Variants in AKT3 observed in about 807,000 individuals in gnomAD.
AKT3 encodes the protein AKT serine/threonine kinase 3.
A neutral mutation model predicts 65.3 loss-of-function variants in AKT3; 15 were observed. That is an observed-to-expected ratio of 0.23 (90% CI 0.15 to 0.35). The LOEUF (loss-of-function observed/expected upper bound fraction) is 0.35. Ranked by LOEUF, AKT3 falls within the 10% of genes least tolerant of loss-of-function variation. The probability of loss-of-function intolerance (pLI) is 1.00; values close to 1 mark genes in which losing one functional copy is unlikely to be tolerated. For missense variants in AKT3, 243 were observed against 576.5 expected, an observed-to-expected ratio of 0.42 and a Z score of 5.92; for synonymous variants, 206 against 183.8, an observed-to-expected ratio of 1.12 and a Z score of -0.98.
chr1:243,714,261 G>A (rs912658970), intron 2 of AKT3, among the ~76,000 whole-genome samples: 1 of 152,148 alleles, frequency 6.6e-6, no homozygotes, highest in Non-Finnish European at 1.5e-5. Flanking sequence ...TAATTAGCAA[G>A]AGAACTGCCT....
chr1:243,752,725 T>C (rs1167960711), intron 2 of AKT3, among the ~76,000 whole-genome samples: 1 of 152,220 alleles, frequency 6.6e-6, no homozygotes, highest in African/African-American at 2.4e-5. Flanking sequence ...GAACTCTGAA[T>C]GCTTTGCTCC....
intron 5 of AKT3, among the ~76,000 whole-genome samples, chr1:243,642,348 C>G (rs191493946): frequency 6.6e-6 from 1 of 152,192 alleles, no homozygotes; most frequent in Non-Finnish European, 1.5e-5. Context: ...CTCGCTCTGT[C>G]GCCCAGGCTA....
At chr1:243,731,280 C>T (rs748774395) in intron 2 of AKT3, among the ~76,000 whole-genome samples, 10 of 152,248 alleles carry the variant, frequency 6.6e-5, no homozygotes, top group Non-Finnish European at 1.0e-4. Context: ...ACCATCCATA[C>T]GTTTAAGATA....
intron 13 of AKT3, among the ~76,000 whole-genome samples, chr1:243,511,728 G>T (rs1377646085): frequency 6.6e-6 from 1 of 152,092 alleles, no homozygotes; most frequent in Non-Finnish European, 1.5e-5. Context: ...CTTATTTATG[G>T]TATTTCTCCA....
chr1:243,714,078 A>T (rs754864288), intron 2 of AKT3, among the ~76,000 whole-genome samples: 1 of 152,204 alleles, frequency 6.6e-6, no homozygotes, highest in Non-Finnish European at 1.5e-5. Flanking sequence ...GGATGAGAGA[A>T]GCTAATTTGA....
intron 6 of AKT3, among the ~76,000 whole-genome samples, chr1:243,631,300 A>G (rs1679589101): frequency 1.3e-5 from 2 of 152,124 alleles, no homozygotes; most frequent in Non-Finnish European, 2.9e-5. Context: ...CAAAGGTGAG[A>G]GTGGGTGTGG....
intron 12 of AKT3, among the ~76,000 whole-genome samples, chr1:243,523,286 C>CACACACACACACACAA (rs1558585985): frequency 6.6e-6 from 1 of 151,238 alleles, no homozygotes; most frequent in African/African-American, 2.4e-5. Flanking sequence ...CACACACACA[C>CACACACACACACACAA]ACACACACAC....
At chr1:243,643,452 G>A (rs1680588125) in intron 5 of AKT3, among the ~76,000 whole-genome samples, 1 of 152,198 alleles carries the variant, frequency 6.6e-6, no homozygotes, top group South Asian at 2.1e-4. Context: ...AAGAATGGTA[G>A]CTTGGCTGAC....
intron 2 of AKT3, among the ~76,000 whole-genome samples, chr1:243,815,873 TC>T (rs879658132): frequency 3.3e-5 from 5 of 152,024 alleles, no homozygotes; most frequent in Non-Finnish European, 7.4e-5. Flanking sequence ...CACCTCAGCC[TC>T]CCAAAGTGCT....
chr1:243,686,643 A>ATATATATATATATATATATATATATT, intron 3 of AKT3, among the ~76,000 whole-genome samples: 1 of 20,360 alleles, frequency 4.9e-5, no homozygotes, highest in African/African-American at 1.4e-4. Flanking sequence ...ATATATATAT[A>ATATATATATATATATATATATATATT]TATATATATT....
At chr1:243,706,525 G>A (rs569496823) in intron 2 of AKT3, among the ~76,000 whole-genome samples, 1 of 152,224 alleles carries the variant, frequency 6.6e-6, no homozygotes, top group African/African-American at 2.4e-5. Flanking sequence ...CTCTTACCAA[G>A]GAGTTTTTCC....
At chr1:243,671,123 G>T (rs1683130101) in intron 3 of AKT3, among the ~76,000 whole-genome samples, 1 of 147,730 alleles carries the variant, frequency 6.8e-6, no homozygotes. Flanking sequence ...CTGTTGCCCA[G>T]GCTGGAGTGC....
At chr1:243,578,145 G>A (rs911379042) in intron 8 of AKT3, among the ~76,000 whole-genome samples, 12 of 152,114 alleles carry the variant, frequency 7.9e-5, no homozygotes, top group Admixed American at 1.3e-4. Flanking sequence ...GTAAGACACA[G>A]AACCAGAAAT....
intron 10 of AKT3, among the ~76,000 whole-genome samples, chr1:243,556,078 G>C (rs1673389498): frequency 6.6e-6 from 1 of 152,056 alleles, no homozygotes. Context: ...AACTTAAACA[G>C]AGCACAAAGT....
intron 2 of AKT3, among the ~76,000 whole-genome samples, chr1:243,811,939 T>C (rs1309487677): frequency 6.6e-6 from 1 of 152,124 alleles, no homozygotes. Context: ...CCCTATTTAA[T>C]AAATGGTGCT....
chr1:243,652,118 G>C (rs147693714), intron 4 of AKT3, among the ~76,000 whole-genome samples: 1,594 of 150,112 alleles, frequency 0.011, 19 homozygotes, highest in African/African-American at 0.037. Flanking sequence ...GTGCAATCTT[G>C]GCTCACTGCA....
chr1:243,776,596 A>G (rs988925962), intron 2 of AKT3, among the ~76,000 whole-genome samples: 1 of 152,220 alleles, frequency 6.6e-6, no homozygotes, highest in African/African-American at 2.4e-5. Flanking sequence ...GAAAACACCT[A>G]GACTATGAAA....
chr1:243,576,883 AT>A (rs1349219719), intron 8 of AKT3, among the ~76,000 whole-genome samples: 1 of 152,186 alleles, frequency 6.6e-6, no homozygotes, highest in Non-Finnish European at 1.5e-5. Flanking sequence ...CTATTTTAAA[AT>A]TCACATGGGA....
intron 8 of AKT3, among the ~76,000 whole-genome samples, chr1:243,575,471 G>A (rs1043570112): frequency 5.3e-5 from 8 of 152,012 alleles, no homozygotes; most frequent in Admixed American, 4.6e-4. Flanking sequence ...AAGTTGTTCC[G>A]ATTAAATATA....
Sources: allele counts gnomAD v4.1 joint callset (sites outside exome capture counted in the v4.1 genomes callset), GRCh38; gene constraint gnomAD v4.1.1; transcripts MANE v1.5; gene names NCBI Gene and HGNC (gene_info 2026-07-23, HGNC 2026-07-21).